Variants in PDZD2 observed in about 807,000 individuals in gnomAD.
The protein encoded by PDZD2 is PDZ domain containing 2.
A neutral mutation model predicts 220.7 loss-of-function variants in PDZD2; 90 were observed. The ratio of observed to expected loss-of-function variants is 0.41; its 90% CI spans 0.34 to 0.49. The LOEUF (loss-of-function observed/expected upper bound fraction) is 0.49. PDZD2 is among the 20% of genes least tolerant of loss of function. The pLI, the probability that PDZD2 is intolerant of heterozygous loss-of-function variation, is 0.28. For synonymous variants in PDZD2, 1,375 were observed against 1,450.5 expected (o/e 0.95, Z 1.18); for missense variants, 3,174 against 3,608.5 (o/e 0.88, Z 3.08).
chr5:32,022,289 C>T (rs1404424520), intron 6 of PDZD2, among the ~76,000 whole-genome samples: 1 of 150,870 alleles, frequency 6.6e-6, no homozygotes, highest in Admixed American at 6.6e-5. Flanking sequence ...CCTCTACCTC[C>T]CGGGTTCAAG....
intron 1 of PDZD2, among the ~76,000 whole-genome samples, chr5:31,734,297 C>T (rs1749711561): frequency 1.3e-5 from 2 of 152,000 alleles, no homozygotes; most frequent in African/African-American, 2.4e-5. Flanking sequence ...GTACTCCAGA[C>T]CCTGTCATTT....
intron 2 of PDZD2, among the ~76,000 whole-genome samples, chr5:31,913,905 C>T (rs912374585): frequency 4.6e-5 from 7 of 150,812 alleles, no homozygotes; most frequent in Non-Finnish European, 1.0e-4. Flanking sequence ...AGCGGAGGAA[C>T]ATTTGCATTT....
chr5:31,695,997 T>C (rs1747363255), intron 1 of PDZD2, among the ~76,000 whole-genome samples: 1 of 152,156 alleles, frequency 6.6e-6, no homozygotes, highest in Non-Finnish European at 1.5e-5. Flanking sequence ...TTTTCACCCT[T>C]CTCTATTTCC....
chr5:32,088,997 G>C lies in PDZD2; in HGVS notation c.5549G>C (p.Ser1850Thr), dbSNP rs77304860. ...AAAAAGGGCGTTACTGTGCCTCATA[G>C]CCCTCCTCAGCCGAAAACAAACCTG... ...SQKKGVTVPHSPPQPKTNLEN... is the reference protein window; with the variant it reads ...SQKKGVTVPHTPPQPKTNLEN... The change falls in exon 20 of 25, where the codon AGC (serine) becomes ACC (threonine). Residue 1850 changes from serine (S) to threonine (T), a missense_variant. Coordinates refer to ENST00000438447, the MANE Select transcript of PDZD2 (RefSeq NM_178140.4). This position sits in a 1 kb window ranked among gnomAD's most constrained non-coding sequence, Gnocchi z 4.6. The C allele has an allele frequency of 1.9e-6, 3 of 1,613,956 alleles. No homozygotes were observed. The highest frequency in any genetic ancestry group is 2.5e-6 in the Non-Finnish European group (3 of 1,180,012).
intron 1 of PDZD2, among the ~76,000 whole-genome samples, chr5:31,728,847 T>C (rs1050491687): frequency 6.6e-6 from 1 of 152,090 alleles, no homozygotes; most frequent in African/African-American, 2.4e-5. Context: ...GCATCTTGTT[T>C]ATTTTATTTT....
rs756151903 is a variant in PDZD2, at chr5:32,089,486, G to A, written c.6038G>A (p.Cys2013Tyr). ...MAVLSEPDRG[C>Y]PTTPKSPKCR... ...GTCCTCTCTGAACCCGACAGAGGTT[G>A]CCCAACCACCCCTAAATCTCCTAAG... The change falls in exon 20 of 25, where the codon TGC becomes TAC. Residue 2013 changes from cysteine to tyrosine, a missense_variant. By Grantham distance (194) the Cys-to-Tyr change is radical. Coordinates refer to ENST00000438447, the MANE Select transcript of PDZD2 (RefSeq NM_178140.4). The A allele has an allele frequency of 1.2e-5, 20 of 1,613,408 alleles. No individual in the cohort carries two copies. In the South Asian group the frequency reaches 2.1e-4, roughly 17 times the overall value.
At chr5:31,681,608 T>C (rs1219066144) in intron 1 of PDZD2, among the ~76,000 whole-genome samples, 1 of 151,926 alleles carries the variant, frequency 6.6e-6, no homozygotes, top group Admixed American at 6.6e-5. Context: ...AATATGTGCG[T>C]ATGTGTCTAT....
intron 2 of PDZD2, among the ~76,000 whole-genome samples, chr5:31,825,134 A>C (rs1233708015): frequency 6.6e-6 from 1 of 152,180 alleles, no homozygotes; most frequent in Non-Finnish European, 1.5e-5. Flanking sequence ...CTTGACTGAC[A>C]ACCAGTTTAA....
intron 3 of PDZD2, among the ~76,000 whole-genome samples, chr5:31,989,424 T>TTTTTTTTTTTTTTTTTTTTTTTTATTTA (rs1429240437): frequency 7.3e-6 from 1 of 136,688 alleles, no homozygotes; most frequent in African/African-American, 2.9e-5. Context: ...TTCTTTTCTT[T>TTTTTTTTTTTTTTTTTTTTTTTTATTTA]TTTTTTTTTT....
intron 2 of PDZD2, among the ~76,000 whole-genome samples, chr5:31,836,146 T>C (rs1419218289): frequency 6.6e-6 from 1 of 152,166 alleles, no homozygotes; most frequent in African/African-American, 2.4e-5. Flanking sequence ...GAAATGTATC[T>C]TTATTAAAAA....
chr5:32,077,876 G>A (rs34548843), intron 19 of PDZD2: 13,307 of 376,116 alleles, frequency 0.035, 323 homozygotes, highest in Middle Eastern at 0.055. Context: ...AGAATCGCTT[G>A]AACTGGGTAG....
Position 31,951,093 on chromosome 5 carries a change from G to C in PDZD2, c.477-32062G>C, listed in dbSNP as rs143746863. 5.1e-4 allele frequency among the ~76,000 whole-genome samples: 77 copies of C among 152,092 alleles called. 1 individual carries two copies. Among genetic ancestry groups the C allele is most frequent in the African/African-American group, 1.8e-3 (73 of 41,462 alleles). On this transcript the variant is annotated intron_variant, in intron 2 of 24. Coordinates refer to ENST00000438447, the MANE Select transcript of PDZD2 (RefSeq NM_178140.4). ...CTTTTCTTTTCTTTTTTGAGATCCAGTCTCACTCTGTCTCCCAAACTGGAG... is the reference window on the plus strand; with the variant it reads ...CTTTTCTTTTCTTTTTTGAGATCCACTCTCACTCTGTCTCCCAAACTGGAG...
chr5:32,089,517 AGCAGAGG>A lies in PDZD2; in HGVS notation c.6074_6080del (p.Glu2025GlyfsTer10). 6.2e-7 allele frequency: 1 copy of A among 1,612,554 alleles called. No individual in the cohort carries two copies. Among genetic ancestry groups the A allele is most frequent in the Non-Finnish European group, 8.5e-7 (1 of 1,179,968 alleles). On this transcript the variant is annotated frameshift_variant, in exon 20 of 25. Coordinates refer to ENST00000438447, the MANE Select transcript of PDZD2 (RefSeq NM_178140.4). LOFTEE classifies it high-confidence loss of function. ...CCACCCCTAAATCTCCTAAGTGTAG[AGCAGAGG>A]GCAGGGCGCCCCGTGCTGACTCCGG...
chr5:31,687,103 G>T (rs1264228692), intron 1 of PDZD2, among the ~76,000 whole-genome samples: 5 of 151,420 alleles, frequency 3.3e-5, no homozygotes, highest in Admixed American at 1.3e-4. Context: ...TATAAAAAAA[G>T]TTCATCAGTA....
intron 23 of PDZD2, chr5:32,100,360 G>C (rs1029274548): frequency 1.1e-5 from 2 of 183,082 alleles, no homozygotes; most frequent in Non-Finnish European, 2.3e-5. Flanking sequence ...CAACTCTGAC[G>C]TCCTTGGCTG....
At chr5:31,880,946 C>T (rs917656613) in intron 2 of PDZD2, among the ~76,000 whole-genome samples, 5 of 151,594 alleles carry the variant, frequency 3.3e-5, no homozygotes, top group South Asian at 2.1e-4. Context: ...GGATTACAGG[C>T]GCCTACCACC....
chr5:31,687,574 T>C (rs184775189), intron 1 of PDZD2, among the ~76,000 whole-genome samples: 52 of 152,212 alleles, frequency 3.4e-4, no homozygotes, highest in African/African-American at 1.1e-3. Flanking sequence ...TGGTATCTGT[T>C]ACAGCAGCAC....
chr5:32,030,878 C>T (rs571329994), intron 6 of PDZD2, among the ~76,000 whole-genome samples: 56 of 152,264 alleles, frequency 3.7e-4, no homozygotes, highest in Middle Eastern at 3.4e-3. Context: ...TCATGCATTT[C>T]TCGGCCCACT....
intron 1 of PDZD2, among the ~76,000 whole-genome samples, chr5:31,793,079 C>T (rs1753813395): frequency 6.6e-6 from 1 of 152,010 alleles, no homozygotes; most frequent in Non-Finnish European, 1.5e-5. Flanking sequence ...CTCAGGTGAT[C>T]CGCCCACCTT....
Sources: allele counts gnomAD v4.1 joint callset (sites outside exome capture counted in the v4.1 genomes callset), GRCh38; gene constraint gnomAD v4.1.1; non-coding constraint Gnocchi (gnomAD v3.1); transcripts MANE v1.5; gene names NCBI Gene and HGNC (gene_info 2026-07-23, HGNC 2026-07-21).